SP110: variants seen among roughly 807,000 people sequenced by gnomAD.
SP110 encodes interferon-induced protein 41, 30kD.
In SP110, 62 loss-of-function variants were observed where a neutral mutation model predicts 92.7. The ratio of observed to expected loss-of-function variants is 0.67; its 90% confidence interval spans 0.55 to 0.83. The LOEUF is 0.83. Among genes scored for constraint, SP110 ranks in the 40% least tolerant of loss-of-function variants. The probability of loss-of-function intolerance (pLI) is 0.00; values close to 1 mark genes in which losing one functional copy is unlikely to be tolerated. For synonymous variants in SP110, 273 were observed against 305.3 expected (o/e 0.89, Z 1.10); for missense variants, 793 against 863.9 (o/e 0.92, Z 1.03).
chr2:230,217,502 A>G (rs1342608749), intron 1 of SP110, among the ~76,000 whole-genome samples: 2 of 152,212 alleles, frequency 1.3e-5, no homozygotes, highest in Non-Finnish European at 2.9e-5. Context: ...AAGGTATTAA[A>G]AGTAGCTAAT....
intron 10 of SP110, among the ~76,000 whole-genome samples, chr2:230,197,779 A>C (rs1574655093): frequency 6.6e-6 from 1 of 152,072 alleles, no homozygotes; most frequent in African/African-American, 2.4e-5. Context: ...CAGTTTTCCC[A>C]GCACCATTTA....
chr2:230,205,799 G>T (rs1252405917), intron 8 of SP110, among the ~76,000 whole-genome samples: 1 of 152,166 alleles, frequency 6.6e-6, no homozygotes, highest in Non-Finnish European at 1.5e-5. Flanking sequence ...CTGGCTATGT[G>T]TTTCTTGAAG....
At chr2:230,169,500 G>A (rs1456570465) in intron 18 of SP110, among the ~76,000 whole-genome samples, 1 of 147,682 alleles carries the variant, frequency 6.8e-6, no homozygotes, top group Admixed American at 6.7e-5. Flanking sequence ...CTCTTTCAGA[G>A]ATCGGGGTGA....
intron 3 of SP110, 59 bp from the exon 4 acceptor site, chr2:230,213,086 G>T: frequency 6.4e-7 from 1 of 1,571,610 alleles, no homozygotes. Context: ...ACTTGGGGAA[G>T]GGGATTTCTT....
At chr2:230,206,552 A>G (rs2043822936) in intron 8 of SP110, among the ~76,000 whole-genome samples, 1 of 141,888 alleles carries the variant, frequency 7.0e-6, no homozygotes, top group Non-Finnish European at 1.5e-5. Context: ...TCATATATAT[A>G]CATATATCTG....
chr2:230,169,154 G>T lies in SP110; in HGVS notation c.2112C>A (p.Ala704=). The T allele has an allele frequency of 6.2e-7, 1 of 1,613,430 alleles. No individual in the cohort carries two copies. Among genetic ancestry groups the T allele is most frequent in the Non-Finnish European group, 8.5e-7 (1 of 1,179,482 alleles). ...GAAGAGTCCAGAAACCGCCGTCATT[G>T]GCTTCATGAAAACCGAGCACGTCTT... The part of the protein sequence containing the change: ...DLKDVLGFHE[A]NDGGFWTLP The change falls in exon 19 of 19, where the codon GCC becomes GCA. Residue 704 remains alanine, a synonymous_variant. Coordinates refer to ENST00000258381, the MANE Select transcript of SP110 (RefSeq NM_080424.4).
intron 10 of SP110, 149 bp downstream of exon 10, chr2:230,200,736 G>T (rs1347806220): frequency 1.6e-5 from 11 of 692,944 alleles, no homozygotes; most frequent in Non-Finnish European, 2.3e-5. Flanking sequence ...CATGGGAAGG[G>T]TCTTGATTAA....
intron 12 of SP110, among the ~76,000 whole-genome samples, chr2:230,182,127 T>TA (rs564956304): frequency 6.6e-4 from 100 of 152,302 alleles, no homozygotes; most frequent in African/African-American, 2.3e-3. Context: ...TATGCAGCCA[T>TA]AAAAAGGAAC....
intron 12 of SP110, among the ~76,000 whole-genome samples, chr2:230,180,516 T>C (rs1380257726): frequency 3.3e-5 from 5 of 152,140 alleles, no homozygotes; most frequent in African/African-American, 4.8e-5. Context: ...TCTATCCGCA[T>C]AACAATGTGT....
At chr2:230,171,530 C>T in intron 17 of SP110, 166 bp downstream of exon 17, 1 of 678,328 alleles carries the variant, frequency 1.5e-6, no homozygotes, top group Non-Finnish European at 2.7e-6. Flanking sequence ...CCAGGTAGTC[C>T]CTCTCCAGAG....
chr2:230,176,174 G>A (rs2041849563), intron 14 of SP110, among the ~76,000 whole-genome samples: 1 of 151,926 alleles, frequency 6.6e-6, no homozygotes, highest in Non-Finnish European at 1.5e-5. Context: ...AAACTCCTGG[G>A]CTCAAGGGAT....
intron 14 of SP110, chr2:230,176,700 T>C: frequency 6.2e-7 from 1 of 1,614,016 alleles, no homozygotes; most frequent in Non-Finnish European, 8.5e-7. Flanking sequence ...AGATTTATTC[T>C]TGGAGGACAG....
Position 230,186,037 on chromosome 2 carries a change from G to A in SP110, c.1236C>T (p.Val412=). ...STWNSEVMMR[V]QKARTKCARK... ...GGGCACATTTAGTTCTTGCCTTTTG[G>A]ACCCTCATCATGACCTCTGAGTTCC... The change falls in exon 11 of 19, where the codon GTC becomes GTT. Residue 412 remains valine (V), a synonymous_variant. Coordinates refer to ENST00000258381, the MANE Select transcript of SP110 (RefSeq NM_080424.4). The A allele has an allele frequency of 6.2e-7, 1 of 1,613,930 alleles. No individual in the cohort carries two copies. Among genetic ancestry groups the A allele is most frequent in the South Asian group, 1.1e-5 (1 of 91,080 alleles).
intron 14 of SP110, chr2:230,177,238 G>T: frequency 2.4e-6 from 1 of 424,316 alleles, no homozygotes; most frequent in Non-Finnish European, 4.4e-6. Flanking sequence ...CAGGGGAGTG[G>T]TTGCAGGCAT....
intron 3 of SP110, chr2:230,213,948 TC>T (rs1173526400): frequency 6.6e-6 from 1 of 152,170 alleles, no homozygotes; most frequent in African/African-American, 2.4e-5. Context: ...AGAAATCATC[TC>T]TCCCTTCAGG....
At chr2:230,177,487 TCTC>T (rs1195498117) in intron 14 of SP110, 48 bp downstream of exon 14, 3 of 1,587,750 alleles carry the variant, frequency 1.9e-6, no homozygotes, top group South Asian at 2.2e-5. Context: ...AAGCTCCACT[TCTC>T]CTTCAAGGAT....
intron 1 of SP110, among the ~76,000 whole-genome samples, chr2:230,218,366 C>T (rs1489506424): frequency 2.0e-5 from 3 of 152,004 alleles, no homozygotes; most frequent in Non-Finnish European, 4.4e-5. Context: ...AAGAATAATC[C>T]GCAATCGCAT....
At chr2:230,189,920 C>T (rs536082978) in intron 10 of SP110, among the ~76,000 whole-genome samples, 75 of 152,304 alleles carry the variant, frequency 4.9e-4, no homozygotes, top group African/African-American at 1.8e-3. Context: ...ATATGTACCA[C>T]ATATTCTTTA....
intron 10 of SP110, among the ~76,000 whole-genome samples, chr2:230,197,725 G>A (rs2042944252): frequency 6.6e-6 from 1 of 151,706 alleles, no homozygotes; most frequent in Admixed American, 6.6e-5. Flanking sequence ...TTTGTATAAG[G>A]TGTAAGGAAG....
Sources: gnomAD v4.1 joint callset for allele counts (sites outside exome capture counted in the v4.1 genomes callset) on GRCh38, gnomAD v4.1.1 for gene constraint, MANE v1.5 for transcripts, NCBI Gene and HGNC (gene_info 2026-07-23, HGNC 2026-07-21) for gene names.